FAP: variants seen among roughly 807,000 people sequenced by gnomAD.
FAP encodes fibroblast activation protein alpha.
A neutral mutation model predicts 126.5 loss-of-function variants in FAP; 110 were observed. That is an observed-to-expected ratio of 0.87 (90% CI 0.74 to 1.02). The LOEUF is 1.02. FAP is among the 50% of genes least tolerant of loss of function. The probability of loss-of-function intolerance (pLI) is 0.00; values close to 1 mark genes in which losing one functional copy is unlikely to be tolerated. For synonymous variants in FAP, 334 were observed against 297.3 expected, an observed-to-expected ratio of 1.12 and a Z score of -1.27; for missense variants, 919 against 909.2, an observed-to-expected ratio of 1.01 and a Z score of -0.14.
intron 16 of FAP, among the ~76,000 whole-genome samples, chr2:162,196,964 C>G (rs918254740): frequency 6.6e-6 from 1 of 152,200 alleles, no homozygotes; most frequent in Non-Finnish European, 1.5e-5. Flanking sequence ...TTGATGAGAG[C>G]TTAGGCTTTT....
chr2:162,227,703 AC>A (rs1211487868), intron 2 of FAP, among the ~76,000 whole-genome samples: 1 of 152,114 alleles, frequency 6.6e-6, no homozygotes, highest in Non-Finnish European at 1.5e-5. Flanking sequence ...ATCTGGTTGG[AC>A]TACAGACACC....
chr2:162,231,948 T>C (rs774799466), intron 2 of FAP, among the ~76,000 whole-genome samples: 1 of 152,064 alleles, frequency 6.6e-6, no homozygotes, highest in Non-Finnish European at 1.5e-5. Flanking sequence ...AAGGAAAGGG[T>C]CTAGGGCTCT....
chr2:162,236,677 C>T (rs1690149038), intron 2 of FAP, among the ~76,000 whole-genome samples: 1 of 152,296 alleles, frequency 6.6e-6, no homozygotes, highest in African/African-American at 2.4e-5. Flanking sequence ...ATGGCACAAT[C>T]TCGGCTCACT....
intron 12 of FAP, among the ~76,000 whole-genome samples, chr2:162,208,148 A>C (rs1427735754): frequency 2.0e-5 from 3 of 151,330 alleles, no homozygotes; most frequent in South Asian, 4.2e-4. Flanking sequence ...CCCGGCTACT[A>C]AGGAGGCTGA....
chr2:162,221,958 AC>A lies in FAP; in HGVS notation c.413+1649del, dbSNP rs138934910. Among the ~76,000 whole-genome samples the A allele has an allele frequency of 4.7e-3, 716 of 151,740 alleles. 8 individuals carry two copies. The highest frequency in any genetic ancestry group is 0.016 in the African/African-American group (662 of 41,368). On this transcript the variant is annotated intron_variant, in intron 6 of 25. Transcript: ENST00000188790. ...TAAATTATGCTGTATTTACCTGACC[AC>A]CCCCCCACCAAAAAATCTGAAATAC...
chr2:162,221,054 C>G (rs962488935), intron 6 of FAP, among the ~76,000 whole-genome samples: 2 of 152,116 alleles, frequency 1.3e-5, no homozygotes, highest in Non-Finnish European at 2.9e-5. Flanking sequence ...CTTGATGTAA[C>G]TTTTTAGGTG....
chr2:162,219,061 A>G lies in FAP; in HGVS notation c.607+2T>C. 6.3e-7 allele frequency: 1 copy of G among 1,597,870 alleles called. No individual in the cohort carries two copies. Among genetic ancestry groups the G allele is most frequent in the Non-Finnish European group, 8.5e-7 (1 of 1,171,852 alleles). On this transcript the variant is annotated splice_donor_variant, in intron 8 of 25. Transcript: ENST00000188790. LOFTEE classifies it high-confidence loss of function. Reference sequence around the variant, plus strand: ...TAGCAGTAGAAAAGGAATACAGCTTACCTTCATAAACCCAGTCTGGGATTC... The same window carrying G: ...TAGCAGTAGAAAAGGAATACAGCTTGCCTTCATAAACCCAGTCTGGGATTC...
chr2:162,223,711 A>G (rs755531443), intron 5 of FAP, 51 bp from the exon 6 acceptor site: 3 of 1,163,768 alleles, frequency 2.6e-6, no homozygotes, highest in African/African-American at 1.5e-5. Flanking sequence ...TAAAAAGCTT[A>G]TATCAATAAT....
chr2:162,195,105 T>C (rs1362574150), intron 16 of FAP: 9 of 273,034 alleles, frequency 3.3e-5, no homozygotes, highest in South Asian at 1.1e-4. Context: ...TGTGTCTTTA[T>C]TATCAAACAA....
intron 20 of FAP, 122 bp from the exon 21 acceptor site, chr2:162,183,590 A>G (rs1442903324): frequency 1.5e-6 from 1 of 658,800 alleles, no homozygotes; most frequent in Non-Finnish European, 2.7e-6. Context: ...GTTTAAACAC[A>G]TGCATAATAA....
chr2:162,214,197 C>G (rs6759558), intron 10 of FAP, 124 bp from the exon 11 acceptor site: 19,220 of 685,470 alleles, frequency 0.028, 1,326 homozygotes, highest in Admixed American at 0.24. Flanking sequence ...AATAGGTAAG[C>G]AAGACAAAAC....
In FAP at chr2:162,209,373, A is replaced by T. The variant is rs532222553; in HGVS notation, c.1047+579T>A. Among the ~76,000 whole-genome samples the T allele has an allele frequency of 1.4e-4, 22 of 152,286 alleles. No homozygotes were observed. The South Asian group carries it at 4.6e-3, about 32-fold the overall frequency. On this transcript the variant is annotated intron_variant, in intron 12 of 25. Coordinates refer to ENST00000188790, the MANE Select transcript of FAP (RefSeq NM_004460.5). ...CTATTTACCTCAAGCGTTATTTTAC[A>T]TTAAAAATCCTCATAAATTATTGAA... is the stretch of plus-strand genomic sequence containing the variant.
chr2:162,221,727 A>C (rs150807334), intron 6 of FAP: 16 of 456,658 alleles, frequency 3.5e-5, no homozygotes, highest in Admixed American at 7.0e-5. Flanking sequence ...TTTCTGAGTC[A>C]CTAAAGGTAT....
Position 162,219,962 on chromosome 2 carries a change from G to A in FAP, c.414-37C>T. ...GAAAGAAAGAAAAACAACAAACCTTGCTGTTTAATGCAAAAAAATAATAAT... is the reference window on the plus strand; with the variant it reads ...GAAAGAAAGAAAAACAACAAACCTTACTGTTTAATGCAAAAAAATAATAAT... On this transcript the variant is annotated intron_variant, in intron 6 of 25. Coordinates refer to ENST00000188790, the MANE Select transcript of FAP (RefSeq NM_004460.5). 3 of 1,349,188 alleles carry A rather than the reference G, an allele frequency of 2.2e-6. No individual in the cohort carries two copies. The South Asian group carries it at 3.6e-5, about 16-fold the overall frequency. 83.6% of individuals were successfully genotyped at this position (1,349,188 alleles called of 1,614,324 possible).
intron 16 of FAP, 148 bp downstream of exon 16, chr2:162,198,609 C>T: frequency 9.5e-7 from 1 of 1,052,534 alleles, no homozygotes; most frequent in Non-Finnish European, 1.4e-6. Flanking sequence ...TCCTATCCTC[C>T]TTTAATTTTT....
intron 21 of FAP, among the ~76,000 whole-genome samples, chr2:162,181,263 A>T (rs1237051113): frequency 6.6e-6 from 1 of 151,998 alleles, no homozygotes; most frequent in African/African-American, 2.4e-5. Context: ...GGCAACAGAG[A>T]GCAATTCTGT....
intron 2 of FAP, among the ~76,000 whole-genome samples, chr2:162,227,166 CAAGA>C (rs1276221273): frequency 6.6e-6 from 1 of 151,996 alleles, no homozygotes; most frequent in Admixed American, 6.6e-5. Flanking sequence ...TCAGAAATCT[CAAGA>C]AAGACATTAT....
chr2:162,233,958 T>C (rs1576199124), intron 2 of FAP, among the ~76,000 whole-genome samples: 1 of 152,204 alleles, frequency 6.6e-6, no homozygotes, highest in East Asian at 1.9e-4. Context: ...CCATCATTTG[T>C]TGAAAAGACT....
intron 2 of FAP, among the ~76,000 whole-genome samples, chr2:162,227,606 A>T (rs1246644548): frequency 6.6e-6 from 1 of 152,132 alleles, no homozygotes; most frequent in Non-Finnish European, 1.5e-5. Flanking sequence ...TGAGAACAAA[A>T]CTGTCAAAGA....
Sources: allele counts gnomAD v4.1 joint callset (sites outside exome capture counted in the v4.1 genomes callset), GRCh38; gene constraint gnomAD v4.1.1; transcripts MANE v1.5; gene names NCBI Gene and HGNC (gene_info 2026-07-23, HGNC 2026-07-21).